The following ATM variants were observed in gnomAD, a reference collection of about 807,000 sequenced individuals.
ATM encodes the protein serine-protein kinase ATM.
A neutral mutation model predicts 387.0 loss-of-function variants in ATM; 308 were observed. That is an observed-to-expected ratio of 0.80 (90% CI 0.73 to 0.87). The LOEUF (loss-of-function observed/expected upper bound fraction) is 0.87, where lower values mean the gene tolerates loss of function less well. ATM is among the 40% of genes least tolerant of loss of function. The pLI is 0.00. For synonymous variants in ATM, 1,156 were observed against 1,187.3 expected, an observed-to-expected ratio of 0.97 and a Z score of 0.54; for missense variants, 3,312 against 3,560.9, an observed-to-expected ratio of 0.93 and a Z score of 1.78.
chr11:108,337,941 A>G (rs1282630791), intron 56 of ATM, among the ~76,000 whole-genome samples: 5 of 152,284 alleles, frequency 3.3e-5, no homozygotes, highest in African/African-American at 1.2e-4. Context: ...CAAAAAAGCA[A>G]ATGCCTGACC....
chr11:108,327,093 G>T (rs1460810950), intron 47 of ATM, among the ~76,000 whole-genome samples: 1 of 152,178 alleles, frequency 6.6e-6, no homozygotes, highest in African/African-American at 2.4e-5. Flanking sequence ...CTCTGAAAGT[G>T]CTGGGATTAC....
At chr11:108,363,558 T>TGGG (rs1393681222) in intron 61 of ATM, among the ~76,000 whole-genome samples, 1 of 152,138 alleles carries the variant, frequency 6.6e-6, no homozygotes, top group Non-Finnish European at 1.5e-5. Flanking sequence ...GAGATGAGGA[T>TGGG]AGTATTGGCA....
At chr11:108,308,094 AT>A (rs1158617185) in intron 38 of ATM, 110 bp downstream of exon 38, 1 of 1,035,222 alleles carries the variant, frequency 9.7e-7, no homozygotes, top group Non-Finnish European at 1.5e-6. Flanking sequence ...AAAGTGTTAT[AT>A]TTAATTTGTG....
chr11:108,296,170 T>A (rs1365045741), intron 32 of ATM, among the ~76,000 whole-genome samples: 1 of 152,222 alleles, frequency 6.6e-6, no homozygotes, highest in Non-Finnish European at 1.5e-5. Context: ...TTAATTTGAT[T>A]TGAAATGTAC....
chr11:108,279,745 G>C (rs2082134218), intron 23 of ATM, 137 bp downstream of exon 23: 1 of 721,710 alleles, frequency 1.4e-6, no homozygotes, highest in African/African-American at 1.7e-5. Flanking sequence ...ACAACTGTAT[G>C]AATTGATTGA....
At chr11:108,341,583 C>A (rs1310040206) in intron 56 of ATM, among the ~76,000 whole-genome samples, 1 of 152,010 alleles carries the variant, frequency 6.6e-6, no homozygotes, top group African/African-American at 2.4e-5. Flanking sequence ...AACAGTTCAA[C>A]ATATGTGAGA....
At chr11:108,259,416 G>C (rs1315448991) in intron 16 of ATM, among the ~76,000 whole-genome samples, 1 of 152,182 alleles carries the variant, frequency 6.6e-6, no homozygotes, top group Non-Finnish European at 1.5e-5. Flanking sequence ...AACCTGGGAG[G>C]TGGAGGTTGC....
At chr11:108,335,239 A>G (rs1478325930) in intron 55 of ATM, 130 bp downstream of exon 55, 1 of 1,548,674 alleles carries the variant, frequency 6.5e-7, no homozygotes, top group East Asian at 2.4e-5. Context: ...AGATTTGTAG[A>G]GTAGAAATGC....
intron 17 of ATM, among the ~76,000 whole-genome samples, chr11:108,267,596 C>T (rs932585469): frequency 3.3e-5 from 5 of 152,022 alleles, no homozygotes; most frequent in Non-Finnish European, 7.4e-5. Flanking sequence ...TGGTGGCTCA[C>T]GCTTGTAATC....
rs577686533 is a variant in ATM, at chr11:108,268,897, A to G, written c.2838+288A>G. On this transcript the variant is annotated intron_variant, in intron 18 of 62. Coordinates refer to ENST00000675843, the MANE Select transcript of ATM (RefSeq NM_000051.4). ...CTAAGAAACATAGACCCTGAATGTAAAAATATTACATAACATTGTGTTTGA... is the reference window on the plus strand; with the variant it reads ...CTAAGAAACATAGACCCTGAATGTAGAAATATTACATAACATTGTGTTTGA... Among the ~76,000 whole-genome samples the G allele has an allele frequency of 6.8e-4, 104 of 152,334 alleles. 1 individual carries two copies. Among genetic ancestry groups the G allele is most frequent in the African/African-American group, 2.4e-3 (101 of 41,582 alleles).
In ATM at chr11:108,251,931, A is replaced by G. The variant is rs876659425; in HGVS notation, c.1702A>G (p.Arg568Gly). ...AGAGCAAAATATGTGTGAAGTAAATAGAAGCTTTTCTTTAAAGGAATCAAT... is the reference window on the plus strand; with the variant it reads ...AGAGCAAAATATGTGTGAAGTAAATGGAAGCTTTTCTTTAAAGGAATCAAT... ...GIEQNMCEVN[R>G]SFSLKESIMK... The change falls in exon 11 of 63, where the codon AGA (arginine) becomes GGA (glycine). Residue 568 changes from arginine to glycine, a missense_variant. Physicochemically the swap from Arg to Gly is moderately radical, Grantham distance 125 (BLOSUM62 -2). Transcript: ENST00000675843. 3 of 1,613,806 alleles carry G rather than the reference A, an allele frequency of 1.9e-6. No individual in the cohort carries two copies. The African/African-American group carries it at 4.0e-5, about 22-fold the overall frequency.
intron 59 of ATM, among the ~76,000 whole-genome samples, chr11:108,351,531 G>A (rs1457223151): frequency 6.6e-6 from 1 of 152,216 alleles, no homozygotes; most frequent in East Asian, 1.9e-4. Context: ...GCTGCAGTTA[G>A]CATCTGGGGC....
In ATM at chr11:108,365,596, G is replaced by T; in HGVS notation, c.*88G>T. ...TAACCTGCCAACATACTTTAAGTAG[G>T]GATTAATATTTAAGTGAACTATTGT... On this transcript the variant is annotated 3_prime_UTR_variant, in exon 63 of 63. Coordinates refer to ENST00000675843, the MANE Select transcript of ATM (RefSeq NM_000051.4). The T allele has an allele frequency of 1.4e-6, 2 of 1,449,044 alleles. No homozygotes were observed. The highest frequency in any genetic ancestry group is 1.3e-5 in the South Asian group (1 of 79,464). 89.8% of individuals were successfully genotyped at this position (1,449,044 alleles called of 1,614,324 possible). A position where few individuals can be genotyped will look rare whatever the true frequency, so the allele number is the denominator to read the frequency against.
rs2082867393 is a variant in ATM at position 108,292,719 on chromosome 11, C to A, written c.4537C>A (p.Leu1513Ile). 1 of 1,613,892 alleles carries A rather than the reference C, an allele frequency of 6.2e-7. No individual in the cohort carries two copies. The highest frequency in any genetic ancestry group is 1.3e-5 in the African/African-American group (1 of 74,970). The change falls in exon 30 of 63, where the codon CTA (leucine) becomes ATA (isoleucine). Residue 1513 changes from leucine to isoleucine, a missense_variant. Coordinates refer to ENST00000675843, the MANE Select transcript of ATM (RefSeq NM_000051.4). ...AGCCGTGACTTACTGTAAGGATGCT[C>A]TAGAAAACCATCTTCATGTTATTGT... is the stretch of plus-strand genomic sequence containing the variant. ...QTAVTYCKDALENHLHVIVGT... is the reference protein window; with the variant it reads ...QTAVTYCKDAIENHLHVIVGT...
intron 39 of ATM, 65 bp downstream of exon 39, chr11:108,310,380 A>G: frequency 6.8e-7 from 1 of 1,479,054 alleles, no homozygotes; most frequent in Non-Finnish European, 9.3e-7. Flanking sequence ...AAGGGTATAT[A>G]GTAAAGATTT....
chr11:108,238,808 A>G (rs2079423410), intron 5 of ATM, among the ~76,000 whole-genome samples: 1 of 151,868 alleles, frequency 6.6e-6, no homozygotes, highest in Non-Finnish European at 1.5e-5. Context: ...AGTGTGATTT[A>G]TTGTGGTAAA....
chr11:108,254,399 A>G (rs2080345761), intron 13 of ATM, among the ~76,000 whole-genome samples: 1 of 152,202 alleles, frequency 6.6e-6, no homozygotes, highest in African/African-American at 2.4e-5. Context: ...AACAAATCTA[A>G]TAGATTTTGG....
chr11:108,261,163 G>C (rs1214870412), intron 16 of ATM, among the ~76,000 whole-genome samples: 9 of 152,358 alleles, frequency 5.9e-5, no homozygotes, highest in Non-Finnish European at 2.9e-5. Flanking sequence ...GCCTGCCTCT[G>C]TAGGCTCCAC....
chr11:108,228,225 T>C lies in ATM; in HGVS notation c.185+337T>C, dbSNP rs528676326. ...AATGTTAGGATATTATTTTCACACCTTTAAATATTACTCTGATTATAAGTA... is the reference window on the plus strand; with the variant it reads ...AATGTTAGGATATTATTTTCACACCCTTAAATATTACTCTGATTATAAGTA... On this transcript the variant is annotated intron_variant, in intron 3 of 62. Coordinates refer to ENST00000675843, the MANE Select transcript of ATM (RefSeq NM_000051.4). Among the ~76,000 whole-genome samples the C allele has an allele frequency of 3.6e-4, 55 of 152,326 alleles. 1 individual carries two copies. The South Asian group carries it at 0.011, about 30-fold the overall frequency.
Sources: allele counts gnomAD v4.1 joint callset (sites outside exome capture counted in the v4.1 genomes callset), GRCh38; gene constraint gnomAD v4.1.1; transcripts MANE v1.5; gene names NCBI Gene and HGNC (gene_info 2026-07-23, HGNC 2026-07-21).